Variants in EXT1 observed in about 807,000 individuals in gnomAD.
EXT1 encodes exostosin-1.
In EXT1, 20 loss-of-function variants were observed where a neutral mutation model predicts 82.5. The ratio of observed to expected loss-of-function variants is 0.24; its 90% confidence interval spans 0.17 to 0.35. The LOEUF is 0.35. Ranked by LOEUF, EXT1 falls within the 10% of genes least tolerant of loss-of-function variation. The pLI is 1.00. For missense variants in EXT1, 757 were observed against 936.5 expected (o/e 0.81, Z 2.50); for synonymous variants, 348 against 350.8 (o/e 0.99, Z 0.09).
intron 1 of EXT1, among the ~76,000 whole-genome samples, chr8:117,978,921 A>G (rs1815125194): frequency 6.6e-6 from 1 of 152,208 alleles, no homozygotes; most frequent in Non-Finnish European, 1.5e-5. Context: ...TATGTTAAAC[A>G]TGAAGAAACA....
At chr8:117,860,483 A>AC (rs1393887838) in intron 1 of EXT1, among the ~76,000 whole-genome samples, 1 of 152,186 alleles carries the variant, frequency 6.6e-6, no homozygotes, top group African/African-American at 2.4e-5. Flanking sequence ...AGACAACTGC[A>AC]CTTGTGCCCC....
intron 1 of EXT1, among the ~76,000 whole-genome samples, chr8:117,948,389 C>CAGAG (rs1402740612): frequency 1.3e-5 from 2 of 148,458 alleles, no homozygotes; most frequent in Non-Finnish European, 3.0e-5. Context: ...TCTTAAGTGA[C>CAGAG]AGAGAACAAG....
At chr8:117,950,682 T>G (rs1249859407) in intron 1 of EXT1, among the ~76,000 whole-genome samples, 1 of 152,178 alleles carries the variant, frequency 6.6e-6, no homozygotes, top group African/African-American at 2.4e-5. Context: ...GGAGAAGAAA[T>G]GAGTTTAAAA....
intron 1 of EXT1, among the ~76,000 whole-genome samples, chr8:117,863,920 C>T (rs553785579): frequency 6.6e-6 from 1 of 152,128 alleles, no homozygotes; most frequent in Admixed American, 6.5e-5. Flanking sequence ...CTACCTGGAC[C>T]CGATTTTCAA....
chr8:117,818,376 C>T (rs1216886436), intron 7 of EXT1, 59 bp downstream of exon 7: 2 of 1,399,920 alleles, frequency 1.4e-6, no homozygotes, highest in Non-Finnish European at 2.0e-6. Context: ...CCCAAAGTGC[C>T]CCATGGAGAA....
intron 1 of EXT1, among the ~76,000 whole-genome samples, chr8:117,975,357 C>T (rs557317320): frequency 1.3e-5 from 2 of 152,084 alleles, no homozygotes; most frequent in East Asian, 3.9e-4. Flanking sequence ...GCAATAACAC[C>T]ATCAATGGAA....
chr8:117,819,799 A>G lies in EXT1; in HGVS notation c.1418-5T>C. ...ATTTGGAGGGGGGCTTTAAACCTGA[A>G]ATAAAAAGGAGAGTAGAGCCTAATG... is the stretch of plus-strand genomic sequence containing the variant. On this transcript the variant is annotated splice_polypyrimidine_tract_variant and splice_region_variant and intron_variant, in intron 5 of 10. Coordinates refer to ENST00000378204, the MANE Select transcript of EXT1 (RefSeq NM_000127.3). 1 of 1,611,830 alleles carries G rather than the reference A, an allele frequency of 6.2e-7. No homozygotes were observed. The highest frequency in any genetic ancestry group is 8.5e-7 in the Non-Finnish European group (1 of 1,178,510).
In EXT1 at chr8:117,917,340, C is replaced by T. The variant is rs573895430; in HGVS notation, c.963-80139G>A. Among the ~76,000 whole-genome samples, 100 of 152,224 alleles carry T rather than the reference C, an allele frequency of 6.6e-4. 1 individual carries two copies. The South Asian group carries it at 0.02, about 30-fold the overall frequency. Reference sequence around the variant, plus strand: ...AATAGCCAGGCGTAGTGGTGCGTGCCTGTAATCCCAGCTACTTGGGAGGCT... The same window carrying T: ...AATAGCCAGGCGTAGTGGTGCGTGCTTGTAATCCCAGCTACTTGGGAGGCT... On this transcript the variant is annotated intron_variant, in intron 1 of 10. Coordinates refer to ENST00000378204, the MANE Select transcript of EXT1 (RefSeq NM_000127.3).
intron 1 of EXT1, among the ~76,000 whole-genome samples, chr8:117,885,416 ATATTAACCGT>A (rs1813129057): frequency 6.6e-6 from 1 of 151,906 alleles, no homozygotes; most frequent in Admixed American, 6.6e-5. Context: ...TGTTCTGGCA[ATATTAACCGT>A]ACTGGCAGGG....
chr8:118,008,361 G>A (rs1343870436), intron 1 of EXT1, among the ~76,000 whole-genome samples: 2 of 152,112 alleles, frequency 1.3e-5, no homozygotes, highest in African/African-American at 4.8e-5. Context: ...CCTGGTTCAA[G>A]CGATTCTCCT....
chr8:117,868,740 T>G (rs1812816313), intron 1 of EXT1, among the ~76,000 whole-genome samples: 1 of 152,094 alleles, frequency 6.6e-6, no homozygotes, highest in African/African-American at 2.4e-5. Context: ...ATGAGACAAG[T>G]CAGTGCCGGT....
In EXT1 at chr8:117,798,897, G is replaced by A. The variant is rs1363119751; in HGVS notation, c.*815C>T. The A allele has an allele frequency of 6.6e-6, 1 of 152,220 alleles. No homozygotes were observed. Among genetic ancestry groups the A allele is most frequent in the Non-Finnish European group, 1.5e-5 (1 of 68,078 alleles). The allele number at this position is 152,220 out of a possible 1,614,324, so 9.4% of individuals were successfully genotyped here. Reference sequence around the variant, plus strand: ...TGCCCCCAACCCCTGCAAGTATTGGGTTACTGTTGTGGGTCTGTATTTCCA... The same window carrying A: ...TGCCCCCAACCCCTGCAAGTATTGGATTACTGTTGTGGGTCTGTATTTCCA... On this transcript the variant is annotated 3_prime_UTR_variant, in exon 11 of 11. Coordinates refer to ENST00000378204, the MANE Select transcript of EXT1 (RefSeq NM_000127.3).
At chr8:118,056,370 C>T (rs10955851) in intron 1 of EXT1, among the ~76,000 whole-genome samples, 57,224 of 152,074 alleles carry the variant, frequency 0.38, 11,355 homozygotes, top group Middle Eastern at 0.51. Context: ...TTCTAACTAG[C>T]AGCTCCCTGT....
At chr8:117,935,018 T>C (rs1563605932) in intron 1 of EXT1, among the ~76,000 whole-genome samples, 1 of 152,268 alleles carries the variant, frequency 6.6e-6, no homozygotes, top group East Asian at 1.9e-4. Context: ...AGCTTTCTTA[T>C]CAAGACAGAC....
At chr8:117,891,203 T>C (rs1344843735) in intron 1 of EXT1, among the ~76,000 whole-genome samples, 1 of 152,218 alleles carries the variant, frequency 6.6e-6, no homozygotes, top group East Asian at 1.9e-4. Context: ...TTTTCCTAAT[T>C]GGAGTCAGTT....
At chr8:118,067,603 A>T (rs973555072) in intron 1 of EXT1, among the ~76,000 whole-genome samples, 1 of 152,266 alleles carries the variant, frequency 6.6e-6, no homozygotes, top group African/African-American at 2.4e-5. Flanking sequence ...TTCATCCTAC[A>T]TCAAAGCAGT....
intron 1 of EXT1, among the ~76,000 whole-genome samples, chr8:118,089,004 C>T (rs1309306787): frequency 1.3e-5 from 2 of 152,236 alleles, no homozygotes; most frequent in East Asian, 1.9e-4. Flanking sequence ...TCAAGGAGAA[C>T]GTGTGTTATT....
chr8:117,919,573 C>T (rs1043938964), intron 1 of EXT1, among the ~76,000 whole-genome samples: 7 of 150,704 alleles, frequency 4.6e-5, no homozygotes, highest in Admixed American at 6.7e-5. Context: ...GGTGCAAACA[C>T]GGCTAACTGC....
In EXT1 at chr8:117,822,402, C is replaced by T. The variant is rs115577361; in HGVS notation, c.1417+63G>A. On this transcript the variant is annotated intron_variant, in intron 5 of 10. Coordinates refer to ENST00000378204, the MANE Select transcript of EXT1 (RefSeq NM_000127.3). ...CCCATTAGAGTAGAAGAATAAAGGC[C>T]TTTAGTTCTGTATGACATCTTCAGG... is the stretch of plus-strand genomic sequence containing the variant. 6.1e-4 allele frequency: 965 copies of T among 1,586,272 alleles called. 3 individuals are homozygous for T. In the African/African-American group the frequency reaches 9.5e-3, roughly 16 times the overall value.
Sources: allele counts gnomAD v4.1 joint callset (sites outside exome capture counted in the v4.1 genomes callset), GRCh38; gene constraint gnomAD v4.1.1; transcripts MANE v1.5; gene names NCBI Gene and HGNC (gene_info 2026-07-23, HGNC 2026-07-21).